Variants in CA5A observed in about 807,000 individuals in gnomAD.
The protein encoded by CA5A is carbonic anhydrase 5A.
CA5A carries 28 observed loss-of-function variants against 37.1 expected under a neutral mutation model. The observed-to-expected ratio is 0.75, with a 90% CI of 0.56 to 1.03. The LOEUF (loss-of-function observed/expected upper bound fraction) is 1.03, where lower values mean the gene tolerates loss of function less well. CA5A is among the 50% of genes least tolerant of loss of function. CA5A has a pLI of 0.00. For missense variants in CA5A, 444 were observed against 399.9 expected (o/e 1.11, Z -0.94); for synonymous variants, 171 against 158.4 (o/e 1.08, Z -0.60).
chr16:87,924,263 CG>C (rs2056271142), intron 2 of CA5A: 1 of 985,424 alleles, frequency 1.0e-6, no homozygotes, highest in East Asian at 1.1e-4. Flanking sequence ...GAAGCATCCG[CG>C]GGGGTTGCAG....
chr16:87,927,053 TG>T (rs938217187), intron 1 of CA5A, 108 bp from the exon 2 acceptor site: 19 of 791,846 alleles, frequency 2.4e-5, no homozygotes, highest in Non-Finnish European at 3.4e-5. Context: ...TCCTGGCTCA[TG>T]GGAAACTGAC....
chr16:87,927,004 C>A (rs989560667), intron 1 of CA5A, 59 bp from the exon 2 acceptor site: 2 of 1,213,478 alleles, frequency 1.6e-6, no homozygotes, highest in Non-Finnish European at 2.3e-6. Flanking sequence ...GTGTCTTGGA[C>A]GGACAGGGCA....
chr16:87,888,547 G>A (rs1405406708), intron 6 of CA5A, among the ~76,000 whole-genome samples: 1 of 152,154 alleles, frequency 6.6e-6, no homozygotes, highest in South Asian at 2.1e-4. Flanking sequence ...CATAGGGAGA[G>A]GAACTGAGGC....
chr16:87,932,958 C>T lies in CA5A; in HGVS notation c.142+3351G>A, dbSNP rs547154253. On this transcript the variant is annotated intron_variant, in intron 1 of 6. Coordinates refer to ENST00000649794, the MANE Select transcript of CA5A (RefSeq NM_001739.2). ...GCAGTAGCTTGGAATACATGGGCAC[C>T]GCTGGCCTCGCCCTGTGAGTGCCTG... Among the ~76,000 whole-genome samples, 29 of 152,294 alleles carry T rather than the reference C, an allele frequency of 1.9e-4. No homozygotes were observed. In the South Asian group the frequency reaches 3.5e-3, roughly 18 times the overall value.
chr16:87,884,520 T>G (rs574434417), downstream of CA5A: 1 of 146,504 alleles, frequency 6.8e-6, no homozygotes, highest in Non-Finnish European at 1.5e-5. Flanking sequence ...TGAACCAAGA[T>G]CGCATCAATG....
At chr16:87,907,910 G>A (rs1320234357) in intron 2 of CA5A, among the ~76,000 whole-genome samples, 2 of 152,216 alleles carry the variant, frequency 1.3e-5, no homozygotes, top group African/African-American at 4.8e-5. Flanking sequence ...TGGGCAACAA[G>A]AGTGAAACTC....
chr16:87,918,796 T>C (rs1431554661), intron 2 of CA5A, among the ~76,000 whole-genome samples: 7 of 152,078 alleles, frequency 4.6e-5, no homozygotes, highest in Non-Finnish European at 8.8e-5. Flanking sequence ...GAGGTTCTCA[T>C]TCCCTCCATC....
intron 2 of CA5A, among the ~76,000 whole-genome samples, chr16:87,913,924 G>A (rs980454078): frequency 3.9e-5 from 6 of 152,228 alleles, no homozygotes; most frequent in African/African-American, 4.8e-5. Context: ...CGTCTACCAC[G>A]AGGAAGCGTA....
At chr16:87,918,975 C>CAAAT (rs58430962) in intron 2 of CA5A, among the ~76,000 whole-genome samples, 33,011 of 151,954 alleles carry the variant, frequency 0.22, 4,063 homozygotes, top group South Asian at 0.35. Flanking sequence ...GAGAAAATGA[C>CAAAT]AAAGTGAAAC....
chr16:87,926,989 A>G, intron 1 of CA5A, 44 bp from the exon 2 acceptor site: 1 of 1,322,592 alleles, frequency 7.6e-7, no homozygotes, highest in Non-Finnish European at 1.1e-6. Context: ...CATGAGCTTC[A>G]TCCTGTGTCT....
At chr16:87,924,257 C>T (rs1297883366) in intron 2 of CA5A, 9 of 985,342 alleles carry the variant, frequency 9.1e-6, no homozygotes, top group Admixed American at 6.1e-5. Context: ...ACACGGGAAG[C>T]ATCCGCGGGG....
intron 5 of CA5A, among the ~76,000 whole-genome samples, chr16:87,892,632 T>C (rs1174921139): frequency 2.7e-5 from 4 of 150,388 alleles, no homozygotes; most frequent in African/African-American, 9.7e-5. Flanking sequence ...TTACTTTTTA[T>C]TGTGATAAAA....
At chr16:87,933,412 T>C (rs974017206) in intron 1 of CA5A, among the ~76,000 whole-genome samples, 1 of 152,214 alleles carries the variant, frequency 6.6e-6, no homozygotes, top group Non-Finnish European at 1.5e-5. Flanking sequence ...GGTCCTGCTG[T>C]GTAGCCCAGG....
chr16:87,926,197 T>C (rs956899669), intron 2 of CA5A, among the ~76,000 whole-genome samples: 2 of 151,752 alleles, frequency 1.3e-5, no homozygotes, highest in African/African-American at 4.8e-5. Context: ...CCATCCTGAA[T>C]GACAGAGCAA....
chr16:87,933,059 C>T (rs533308334), intron 1 of CA5A, among the ~76,000 whole-genome samples: 1 of 152,352 alleles, frequency 6.6e-6, no homozygotes, highest in Non-Finnish European at 1.5e-5. Flanking sequence ...GGCCTGCACC[C>T]ACCCAGAGTG....
In CA5A at chr16:87,926,733, C is replaced by T; in HGVS notation, c.340+15G>A. On this transcript the variant is annotated intron_variant, in intron 2 of 6. Coordinates refer to ENST00000649794, the MANE Select transcript of CA5A (RefSeq NM_001739.2). ...CGGGAGAGGACAAAGCCCTCGAGCC[C>T]CAGCTGGCACTCACCTGATGCCTCG... The T allele has an allele frequency of 6.2e-7, 1 of 1,604,306 alleles. No individual in the cohort carries two copies. The highest frequency in any genetic ancestry group is 8.5e-7 in the Non-Finnish European group (1 of 1,172,666).
At chr16:87,891,109 A>G (rs2055706429) in intron 6 of CA5A, among the ~76,000 whole-genome samples, 1 of 151,748 alleles carries the variant, frequency 6.6e-6, no homozygotes, top group Admixed American at 6.6e-5. Context: ...GTATAACTTT[A>G]AAAAGTGTAT....
At chr16:87,906,231 C>CCTCGTGTCACCGGCCTTG (rs60280559) in intron 2 of CA5A, among the ~76,000 whole-genome samples, 1 of 147,998 alleles carries the variant, frequency 6.8e-6, no homozygotes, top group African/African-American at 2.5e-5. Context: ...TGTGGAGGAG[C>CCTCGTGTCACCGGCCTTG]CTCATGTCAC....
intron 2 of CA5A, among the ~76,000 whole-genome samples, chr16:87,910,200 A>G (rs1597565075): frequency 6.6e-6 from 1 of 152,216 alleles, no homozygotes; most frequent in Non-Finnish European, 1.5e-5. Context: ...TGTCCCGGGC[A>G]CCACGCATCC....
Sources: gnomAD v4.1 joint callset for allele counts (sites outside exome capture counted in the v4.1 genomes callset) on GRCh38, gnomAD v4.1.1 for gene constraint, MANE v1.5 for transcripts, NCBI Gene and HGNC (gene_info 2026-07-23, HGNC 2026-07-21) for gene names.